The following SLC25A24 variants were observed in gnomAD, a reference collection of about 807,000 sequenced individuals.
SLC25A24 encodes solute carrier family 25 member 24.
Under a neutral mutation model 60.7 loss-of-function variants are expected in SLC25A24, and 49 were observed. The observed-to-expected ratio is 0.81, with a 90% CI of 0.64 to 1.02. The LOEUF (loss-of-function observed/expected upper bound fraction) is 1.02. SLC25A24 is among the 50% of genes least tolerant of loss of function. The probability of loss-of-function intolerance (pLI) is 0.00; values close to 1 mark genes in which losing one functional copy is unlikely to be tolerated. For missense variants in SLC25A24, 564 were observed against 586.3 expected (o/e 0.96, Z 0.39); for synonymous variants, 202 against 200.6 (o/e 1.01, Z -0.06).
In SLC25A24 at chr1:108,148,392, T is replaced by C. The variant is rs756090174; in HGVS notation, c.823-6A>G. On this transcript the variant is annotated splice_region_variant and splice_polypyrimidine_tract_variant and intron_variant, in intron 6 of 9. Coordinates refer to ENST00000565488, the MANE Select transcript of SLC25A24 (RefSeq NM_013386.5). The stretch of plus-strand genomic sequence containing the variant: ...TCAGTAAGTAACTTCTTGTACTGTA[T>C]AAACAAGTTTTAAAATGCACATTAC... 1.3e-6 allele frequency: 2 copies of C among 1,534,392 alleles called. No individual in the cohort carries two copies. Among genetic ancestry groups the C allele is most frequent in the Non-Finnish European group, 1.8e-6 (2 of 1,107,390 alleles).
At chr1:108,150,112 A>G (rs11185283) in intron 6 of SLC25A24, among the ~76,000 whole-genome samples, 47,212 of 151,950 alleles carry the variant, frequency 0.31, 8,846 homozygotes, top group South Asian at 0.46. Flanking sequence ...TTGCTTAAAA[A>G]CCTTCCTGCA....
chr1:108,182,787 C>T (rs1318780340), intron 2 of SLC25A24, among the ~76,000 whole-genome samples: 1 of 151,896 alleles, frequency 6.6e-6, no homozygotes, highest in African/African-American at 2.4e-5. Flanking sequence ...GAGCTGAGAT[C>T]GCGCCACTGC....
chr1:108,192,161 G>A lies in SLC25A24; in HGVS notation c.184-6207C>T, dbSNP rs372048132. On this transcript the variant is annotated intron_variant, in intron 1 of 9. Coordinates refer to ENST00000565488, the MANE Select transcript of SLC25A24 (RefSeq NM_013386.5). Reference sequence around the variant, plus strand: ...TCCAGTTCTCTGAACTGGGGAGGGCGCATCTTTAGCCTAGACGCCCCTCTG... The same window carrying A: ...TCCAGTTCTCTGAACTGGGGAGGGCACATCTTTAGCCTAGACGCCCCTCTG... 1.1e-4 allele frequency among the ~76,000 whole-genome samples: 15 copies of A among 138,256 alleles called. 2 individuals are homozygous for A. The highest frequency in any genetic ancestry group is 4.9e-4 in the Admixed American group (6 of 12,140). 90.7% of individuals were successfully genotyped at this position (138,256 alleles called of 152,430 possible).
intron 8 of SLC25A24, among the ~76,000 whole-genome samples, chr1:108,142,699 T>G (rs963888929): frequency 2.0e-5 from 3 of 152,184 alleles, no homozygotes; most frequent in African/African-American, 7.2e-5. Flanking sequence ...GTGTTGATGG[T>G]TGCACAATAT....
chr1:108,168,728 T>C (rs1647324803), intron 3 of SLC25A24, among the ~76,000 whole-genome samples: 2 of 152,238 alleles, frequency 1.3e-5, no homozygotes. Flanking sequence ...TAGTTCTTTA[T>C]ATCATTCATT....
At chr1:108,148,640 C>A (rs1478806580) in intron 6 of SLC25A24, among the ~76,000 whole-genome samples, 1 of 152,144 alleles carries the variant, frequency 6.6e-6, no homozygotes, top group Non-Finnish European at 1.5e-5. Flanking sequence ...ACCATGTGAG[C>A]ACATACCAGC....
intron 8 of SLC25A24, among the ~76,000 whole-genome samples, chr1:108,139,611 A>G (rs1032056842): frequency 1.3e-5 from 2 of 152,166 alleles, no homozygotes; most frequent in African/African-American, 2.4e-5. Flanking sequence ...AAATGAGAAA[A>G]ATTCATCTCA....
At position 108,134,898 on chromosome 1, in the gene SLC25A24, A is replaced by G. The variant is rs1679240480; in HGVS notation, c.*1755T>C. 6.6e-6 allele frequency: 1 copy of G among 152,180 alleles called. No individual in the cohort carries two copies. Among genetic ancestry groups the G allele is most frequent in the South Asian group, 2.1e-4 (1 of 4,836 alleles). The allele number at this position is 152,180 out of a possible 1,614,324, so 9.4% of individuals were successfully genotyped here. A position where few individuals can be genotyped will look rare whatever the true frequency, so the allele number is the denominator to read the frequency against. Reference sequence around the variant, plus strand: ...TACTACCAGAAATATACTATCTTCAACTCTCGGCTTTTTTCCAAAAGATAC... The same window carrying G: ...TACTACCAGAAATATACTATCTTCAGCTCTCGGCTTTTTTCCAAAAGATAC... On this transcript the variant is annotated 3_prime_UTR_variant, in exon 10 of 10. Transcript: ENST00000565488.
At chr1:108,175,774 T>G (rs183609841) in intron 3 of SLC25A24, among the ~76,000 whole-genome samples, 97 of 152,344 alleles carry the variant, frequency 6.4e-4, no homozygotes, top group African/African-American at 2.2e-3. Context: ...CCTTCATTCA[T>G]TGCTGCTGGG....
In SLC25A24 at chr1:108,143,559, T is replaced by G; in HGVS notation, c.1082A>C (p.Asp361Ala). 1 of 1,612,812 alleles carries G rather than the reference T, an allele frequency of 6.2e-7. No individual in the cohort carries two copies. Among genetic ancestry groups the G allele is most frequent in the Non-Finnish European group, 8.5e-7 (1 of 1,179,546 alleles). ...LLGIIPYAGI[D>A]LAVYELLKSY... ...CAAACTCACCTCATACACAGCAAGA[T>G]CTATGCCTGCATAAGGTATGATACC... Residue 361 changes from aspartate to alanine, a missense_variant, in exon 8 of 10, where the codon GAT becomes GCT. Coordinates refer to ENST00000565488, the MANE Select transcript of SLC25A24 (RefSeq NM_013386.5).
At chr1:108,138,093 T>A (rs1483093631) in intron 9 of SLC25A24, among the ~76,000 whole-genome samples, 1 of 152,218 alleles carries the variant, frequency 6.6e-6, no homozygotes, top group African/African-American at 2.4e-5. Flanking sequence ...GCGCCCAAGT[T>A]AGGTTATAGC....
intron 9 of SLC25A24, among the ~76,000 whole-genome samples, chr1:108,137,823 T>C (rs1048222636): frequency 1.3e-5 from 2 of 152,194 alleles, no homozygotes; most frequent in South Asian, 4.1e-4. Context: ...ATGGGGATAA[T>C]GTTAGTATTC....
At position 108,157,446 on chromosome 1, in the gene SLC25A24, C is replaced by T. The variant is rs192202309; in HGVS notation, c.669+16G>A. 77 of 1,608,308 alleles carry T rather than the reference C, an allele frequency of 4.8e-5. No individual in the cohort carries two copies. The highest frequency in any genetic ancestry group is 3.9e-4 in the African/African-American group (29 of 74,946). On this transcript the variant is annotated intron_variant, in intron 5 of 9. Transcript: ENST00000565488. ...AATATTTAGGGCAAACCTGGACACA[C>T]GATAATAAAGCTCACCTGCATCATG...
intron 5 of SLC25A24, among the ~76,000 whole-genome samples, 158 bp from the exon 6 acceptor site, chr1:108,155,293 A>AG (rs1474856818): frequency 6.6e-6 from 1 of 152,158 alleles, no homozygotes. Flanking sequence ...TAATGATGAG[A>AG]GGGAGTATTG....
At chr1:108,157,921 A>G (rs886834034) in intron 4 of SLC25A24, among the ~76,000 whole-genome samples, 15 of 152,204 alleles carry the variant, frequency 9.9e-5, no homozygotes, top group Non-Finnish European at 1.9e-4. Flanking sequence ...GGTTAAAATG[A>G]AAGGGCAGCA....
chr1:108,147,599 C>A (rs1679638913), intron 7 of SLC25A24, among the ~76,000 whole-genome samples: 1 of 152,158 alleles, frequency 6.6e-6, no homozygotes, highest in African/African-American at 2.4e-5. Flanking sequence ...ATGAAACAGT[C>A]CGTAGGTCTG....
intron 7 of SLC25A24, among the ~76,000 whole-genome samples, chr1:108,144,105 T>C (rs1558007969): frequency 6.6e-6 from 1 of 152,086 alleles, no homozygotes; most frequent in Non-Finnish European, 1.5e-5. Context: ...TTAACTGATA[T>C]GGAGGATATG....
At chr1:108,170,721 AAC>A (rs1459807682) in intron 3 of SLC25A24, among the ~76,000 whole-genome samples, 18 of 152,184 alleles carry the variant, frequency 1.2e-4, no homozygotes, top group Non-Finnish European at 2.1e-4. Context: ...AATAATAATT[AAC>A]AGTTGATATT....
intron 3 of SLC25A24, among the ~76,000 whole-genome samples, chr1:108,162,118 A>C (rs1213711061): frequency 6.6e-6 from 1 of 152,186 alleles, no homozygotes; most frequent in Non-Finnish European, 1.5e-5. Flanking sequence ...CCTACAAAAG[A>C]CATGAACTCA....
Sources: gnomAD v4.1 joint callset for allele counts (sites outside exome capture counted in the v4.1 genomes callset) on GRCh38, gnomAD v4.1.1 for gene constraint, MANE v1.5 for transcripts, NCBI Gene and HGNC (gene_info 2026-07-23, HGNC 2026-07-21) for gene names.